The following ARNT2 variants were observed in gnomAD, a reference collection of about 807,000 sequenced individuals.
The protein encoded by ARNT2 is aryl hydrocarbon receptor nuclear translocator 2, also known as ARNT protein 2.
Under a neutral mutation model 91.7 loss-of-function variants are expected in ARNT2, and 36 were observed. The observed-to-expected ratio is 0.39, with a 90% CI of 0.30 to 0.52. The LOEUF (loss-of-function observed/expected upper bound fraction) is 0.52, where lower values mean the gene tolerates loss of function less well. Ranked by LOEUF, ARNT2 falls within the 20% of genes least tolerant of loss-of-function variation. ARNT2 has a pLI of 0.72. For missense variants in ARNT2, 775 were observed against 939.3 expected (o/e 0.83, Z 2.29); for synonymous variants, 365 against 347.1 (o/e 1.05, Z -0.57).
chr15:80,578,957 G>A (rs1219387040), intron 15 of ARNT2, among the ~76,000 whole-genome samples: 2 of 152,168 alleles, frequency 1.3e-5, no homozygotes, highest in African/African-American at 4.8e-5. Flanking sequence ...CTTGCAGAAT[G>A]GTGTTGCTGG....
At chr15:80,474,913 G>A in intron 4 of ARNT2, 97 bp from the exon 5 acceptor site, 2 of 1,181,674 alleles carry the variant, frequency 1.7e-6, no homozygotes, top group Non-Finnish European at 2.4e-6. Flanking sequence ...GAATAAATAT[G>A]CAGATAAAGG....
intron 8 of ARNT2, among the ~76,000 whole-genome samples, chr15:80,527,635 A>G (rs1373381477): frequency 6.6e-6 from 1 of 152,230 alleles, no homozygotes; most frequent in Admixed American, 6.5e-5. Flanking sequence ...GCATTGTGCT[A>G]TTTTAATTTT....
At chr15:80,544,436 C>G (rs1897959226) in intron 8 of ARNT2, among the ~76,000 whole-genome samples, 1 of 152,116 alleles carries the variant, frequency 6.6e-6, no homozygotes, top group Non-Finnish European at 1.5e-5. Flanking sequence ...GTCTTCTAAA[C>G]CATCATTTCT....
chr15:80,451,706 TAACC>T (rs891185278), intron 2 of ARNT2, among the ~76,000 whole-genome samples: 2 of 144,582 alleles, frequency 1.4e-5, no homozygotes, highest in African/African-American at 5.2e-5. Flanking sequence ...ATCAACCAAC[TAACC>T]AACCAATCAA....
At chr15:80,550,043 T>A (rs1198315564) in intron 8 of ARNT2, among the ~76,000 whole-genome samples, 1 of 152,176 alleles carries the variant, frequency 6.6e-6, no homozygotes, top group African/African-American at 2.4e-5. Context: ...GCTGTATGAA[T>A]GAATATGGAG....
At chr15:80,461,360 G>C (rs1317410988) in intron 3 of ARNT2, among the ~76,000 whole-genome samples, 1 of 152,234 alleles carries the variant, frequency 6.6e-6, no homozygotes, top group African/African-American at 2.4e-5. Flanking sequence ...TGGTTGAAGA[G>C]GCCAAGCTGT....
At position 80,442,094 on chromosome 15, in the gene ARNT2, G is replaced by A. The variant is rs576119786; in HGVS notation, c.32-8786G>A. ...GCATTTGAGTGGGGGAATAACTCTC[G>A]ATCTGTAGGGAGTTGCAGTTGGGAT... On this transcript the variant is annotated intron_variant, in intron 1 of 18. Transcript: ENST00000303329. 1.1e-4 allele frequency among the ~76,000 whole-genome samples: 16 copies of A among 152,302 alleles called. No homozygotes were observed. The East Asian group carries it at 2.7e-3, about 26-fold the overall frequency.
intron 8 of ARNT2, among the ~76,000 whole-genome samples, chr15:80,517,757 C>T (rs898038836): frequency 2.6e-5 from 4 of 151,794 alleles, no homozygotes; most frequent in African/African-American, 9.7e-5. Context: ...TATCAAAACT[C>T]TCCTTGACTG....
intron 6 of ARNT2, among the ~76,000 whole-genome samples, chr15:80,513,312 G>A (rs1231767861): frequency 3.3e-5 from 5 of 152,116 alleles, no homozygotes; most frequent in Non-Finnish European, 7.4e-5. Context: ...CCCAGATGGG[G>A]ACTCACAGAA....
intron 3 of ARNT2, among the ~76,000 whole-genome samples, chr15:80,467,717 C>T (rs1347711068): frequency 1.3e-5 from 2 of 152,182 alleles, no homozygotes; most frequent in Non-Finnish European, 2.9e-5. Context: ...CCCCATCGGG[C>T]CTTGATGAAG....
intron 18 of ARNT2, among the ~76,000 whole-genome samples, chr15:80,592,479 A>T (rs896908069): frequency 6.6e-6 from 1 of 152,212 alleles, no homozygotes; most frequent in Admixed American, 6.5e-5. Context: ...CAAAGCAATG[A>T]TAGGGGCAGG....
At chr15:80,412,168 C>A (rs1352230061) in intron 1 of ARNT2, among the ~76,000 whole-genome samples, 1 of 152,188 alleles carries the variant, frequency 6.6e-6, no homozygotes, top group African/African-American at 2.4e-5. Context: ...AAGTCTATAA[C>A]AATTTGACCA....
intron 1 of ARNT2, among the ~76,000 whole-genome samples, chr15:80,405,904 C>CAGAG (rs71690528): frequency 1.6e-4 from 24 of 146,028 alleles, no homozygotes; most frequent in Admixed American, 5.4e-4. Context: ...GAGAGAGAGA[C>CAGAG]AGAGAGAGAG....
intron 11 of ARNT2, among the ~76,000 whole-genome samples, chr15:80,560,475 C>A (rs1898316248): frequency 6.6e-6 from 1 of 152,298 alleles, no homozygotes; most frequent in African/African-American, 2.4e-5. Flanking sequence ...CTCCCTTGTT[C>A]TGTTCTCTTT....
intron 12 of ARNT2, among the ~76,000 whole-genome samples, chr15:80,569,949 G>C (rs1361538621): frequency 6.6e-6 from 1 of 152,246 alleles, no homozygotes; most frequent in Non-Finnish European, 1.5e-5. Context: ...ATGGATTGCT[G>C]CCATCATGGG....
At chr15:80,491,474 G>C (rs546751908) in intron 5 of ARNT2, among the ~76,000 whole-genome samples, 2 of 152,208 alleles carry the variant, frequency 1.3e-5, no homozygotes, top group South Asian at 4.2e-4. Flanking sequence ...AACGACATGT[G>C]GGAATTCAAG....
At chr15:80,489,260 A>G (rs1337711880) in intron 5 of ARNT2, among the ~76,000 whole-genome samples, 1 of 152,262 alleles carries the variant, frequency 6.6e-6, no homozygotes, top group Non-Finnish European at 1.5e-5. Context: ...ATGGCTAAAT[A>G]AAAGTGCACG....
rs1427690603 is a variant in ARNT2, at chr15:80,475,116, A to G, written c.515A>G (p.Asn172Ser). Residue 172 changes from asparagine (N) to serine (S), a missense_variant, in exon 5 of 19, where the codon AAC becomes AGC. Around this residue, in one of 5 missense-constraint regions of ARNT2, gnomAD observed 285 missense variants for 327.2 expected, o/e 0.87. Transcript: ENST00000303329. The stretch of plus-strand genomic sequence containing the variant: ...TCTGACTCCGTCACCCCTGTTCTGA[A>G]CCAGCCCCAGTCAGAGTGGTTTGGG... ...YVSDSVTPVL[N>S]QPQSEWFGST... 6.2e-7 allele frequency: 1 copy of G among 1,614,166 alleles called. No homozygotes were observed. The highest frequency in any genetic ancestry group is 8.5e-7 in the Non-Finnish European group (1 of 1,180,050).
At chr15:80,588,446 A>G (rs1347062535) in intron 17 of ARNT2, among the ~76,000 whole-genome samples, 1 of 151,312 alleles carries the variant, frequency 6.6e-6, no homozygotes. Flanking sequence ...CCACCCACCC[A>G]TGGACCATAC....
Sources: allele counts gnomAD v4.1 joint callset (sites outside exome capture counted in the v4.1 genomes callset), GRCh38; gene constraint gnomAD v4.1.1; regional missense constraint gnomAD v4.1.1; transcripts MANE v1.5; gene names NCBI Gene and HGNC (gene_info 2026-07-23, HGNC 2026-07-21).